DOCK1: variants seen among roughly 807,000 people sequenced by gnomAD.
DOCK1 encodes dedicator of cytokinesis 1, also known as dedicator of cytokinesis protein 1.
A neutral mutation model predicts 262.7 loss-of-function variants in DOCK1; 138 were observed. The observed-to-expected ratio is 0.53, with a 90% CI of 0.46 to 0.61. The LOEUF is 0.61. Ranked by LOEUF, DOCK1 falls within the 20% of genes least tolerant of loss-of-function variation. The pLI, the probability that DOCK1 is intolerant of heterozygous loss-of-function variation, is 0.00. For synonymous variants in DOCK1, 866 were observed against 867.4 expected (o/e 1.00, Z 0.03); for missense variants, 1,908 against 2,370.7 (o/e 0.80, Z 4.05).
chr10:127,412,661 G>A (rs552362766), intron 43 of DOCK1, among the ~76,000 whole-genome samples: 30 of 152,210 alleles, frequency 2.0e-4, no homozygotes, highest in Non-Finnish European at 4.3e-4. Flanking sequence ...CAGCAGGGTT[G>A]CCTCAAGTAA....
At chr10:127,288,773 T>TCACACA (rs3221847) in intron 29 of DOCK1, among the ~76,000 whole-genome samples, 2,064 of 143,474 alleles carry the variant, frequency 0.014, 27 homozygotes, top group African/African-American at 0.042. Flanking sequence ...TGTATATATT[T>TCACACA]CACACACACA....
chr10:127,415,242 A>T lies in DOCK1; in HGVS notation c.4515+4A>T. On this transcript the variant is annotated splice_donor_region_variant and intron_variant, in intron 44 of 51. Transcript: ENST00000623213. Reference sequence around the variant, plus strand: ...TGAGGTCAAGTCTGTTTTCATGGTAAGGATGGCCCCACCCCAGAAGGAATT... The same window carrying T: ...TGAGGTCAAGTCTGTTTTCATGGTATGGATGGCCCCACCCCAGAAGGAATT... The T allele has an allele frequency of 2.5e-6, 4 of 1,612,506 alleles. No homozygotes were observed. Among genetic ancestry groups the T allele is most frequent in the Non-Finnish European group, 3.4e-6 (4 of 1,179,164 alleles).
In DOCK1 at chr10:127,012,215, C is replaced by T. The variant is rs780918435; in HGVS notation, c.1059-17C>T. On this transcript the variant is annotated splice_polypyrimidine_tract_variant and intron_variant, in intron 11 of 51. Transcript: ENST00000623213. The surrounding 1 kb of genome is among the most constrained non-coding windows in gnomAD (Gnocchi z 4.0). ...CCCCTTTGTCTCCTGTGGTCTTGGTCGTCCCGTGCCCTCCAGGCTCGCGTT... is the reference window on the plus strand; with the variant it reads ...CCCCTTTGTCTCCTGTGGTCTTGGTTGTCCCGTGCCCTCCAGGCTCGCGTT... 6 of 1,415,698 alleles carry T rather than the reference C, an allele frequency of 4.2e-6. No homozygotes were observed. Among genetic ancestry groups the T allele is most frequent in the African/African-American group, 1.4e-5 (1 of 70,972 alleles). 87.7% of individuals were successfully genotyped at this position (1,415,698 alleles called of 1,614,324 possible).
At chr10:127,018,893 G>A in intron 13 of DOCK1, 58 bp downstream of exon 13, 5 of 1,601,784 alleles carry the variant, frequency 3.1e-6, no homozygotes, top group Non-Finnish European at 4.3e-6. Flanking sequence ...CGGCCACGGA[G>A]GATGACGTGT....
intron 32 of DOCK1, among the ~76,000 whole-genome samples, chr10:127,356,005 G>C (rs536822013): frequency 6.6e-6 from 1 of 152,330 alleles, no homozygotes; most frequent in Admixed American, 6.5e-5. Flanking sequence ...CCAGTACAAA[G>C]AGAACCTGCA....
intron 27 of DOCK1, among the ~76,000 whole-genome samples, chr10:127,139,876 A>T (rs971481393): frequency 3.9e-5 from 6 of 152,206 alleles, no homozygotes; most frequent in African/African-American, 1.4e-4. Context: ...TTATTGTACC[A>T]TTATTATCTA....
chr10:127,177,950 A>G (rs1459694711), intron 27 of DOCK1, among the ~76,000 whole-genome samples: 3 of 152,130 alleles, frequency 2.0e-5, no homozygotes, highest in Non-Finnish European at 4.4e-5. Context: ...CAGGAGCAGG[A>G]CCCTACTTTA....
At chr10:127,008,927 A>G in intron 11 of DOCK1, 123 bp downstream of exon 11, 2 of 1,005,452 alleles carry the variant, frequency 2.0e-6, no homozygotes, top group Non-Finnish European at 2.9e-6. Flanking sequence ...TAATTATGAA[A>G]AACCTCTTTA....
intron 25 of DOCK1, among the ~76,000 whole-genome samples, chr10:127,114,834 G>A (rs770453555): frequency 1.1e-4 from 17 of 148,224 alleles, no homozygotes; most frequent in Non-Finnish European, 1.6e-4. Context: ...TTGGCTCACT[G>A]CAACCTGTGC....
intron 27 of DOCK1, among the ~76,000 whole-genome samples, chr10:127,212,755 G>T (rs1411556804): frequency 8.4e-6 from 1 of 119,602 alleles, no homozygotes; most frequent in African/African-American, 3.3e-5. Context: ...AAAGTACCTT[G>T]TTAATTACTT....
At chr10:126,948,281 TGATGGTGGTG>T (rs2035754441) in intron 1 of DOCK1, among the ~76,000 whole-genome samples, 1 of 9,272 alleles carries the variant, frequency 1.1e-4, no homozygotes, top group African/African-American at 4.2e-4. Context: ...CTGTTGGTGG[TGATGGTGGTG>T]GTTGGTAGTA....
At chr10:127,388,335 A>G (rs1159295976) in intron 38 of DOCK1, among the ~76,000 whole-genome samples, 6 of 152,240 alleles carry the variant, frequency 3.9e-5, no homozygotes, top group African/African-American at 1.4e-4. Context: ...CTGAATATCC[A>G]TAATATTTCC....
intron 29 of DOCK1, among the ~76,000 whole-genome samples, chr10:127,298,105 TAAG>T (rs1220353231): frequency 1.3e-5 from 2 of 152,158 alleles, no homozygotes; most frequent in Non-Finnish European, 2.9e-5. Flanking sequence ...AAACTATTAT[TAAG>T]ATCAGATTGG....
chr10:127,123,748 G>GAACC (rs2049763744), intron 25 of DOCK1, among the ~76,000 whole-genome samples: 1 of 152,028 alleles, frequency 6.6e-6, no homozygotes, highest in African/African-American at 2.4e-5. Context: ...TAACACTAGG[G>GAACC]CAGTCTCCTA....
At chr10:127,426,075 G>C in intron 47 of DOCK1, 64 bp downstream of exon 47, 1 of 1,605,318 alleles carries the variant, frequency 6.2e-7, no homozygotes, top group Non-Finnish European at 8.5e-7. Context: ...CTGTTGAACA[G>C]GGACAAGCTT....
At chr10:127,088,845 T>C (rs2047348715) in intron 23 of DOCK1, among the ~76,000 whole-genome samples, 2 of 152,110 alleles carry the variant, frequency 1.3e-5, no homozygotes, top group African/African-American at 2.4e-5. Context: ...GAAAGCCCTG[T>C]ATTTGGAAGG....
chr10:126,985,840 G>C (rs1416208895), intron 4 of DOCK1, among the ~76,000 whole-genome samples: 1 of 152,006 alleles, frequency 6.6e-6, no homozygotes, highest in African/African-American at 2.4e-5. Context: ...CCATGAAAGG[G>C]TCATTTTGTT....
At chr10:127,244,546 C>T (rs2059369753) in intron 27 of DOCK1, among the ~76,000 whole-genome samples, 1 of 152,190 alleles carries the variant, frequency 6.6e-6, no homozygotes, top group Non-Finnish European at 1.5e-5. Context: ...CACCCTTGCT[C>T]ACATTATCAT....
chr10:127,300,802 T>G lies in DOCK1; in HGVS notation c.3045-38204T>G, dbSNP rs952388475. On this transcript the variant is annotated intron_variant, in intron 29 of 51. Coordinates refer to ENST00000623213, the MANE Select transcript of DOCK1 (RefSeq NM_001290223.2). Reference sequence around the variant, plus strand: ...TCCTCCCGAGAGCCCCACCTGACTTTCTTTGCTTTGCTTTGCCTCTGTGGC... The same window carrying G: ...TCCTCCCGAGAGCCCCACCTGACTTGCTTTGCTTTGCTTTGCCTCTGTGGC... 1.6e-4 allele frequency among the ~76,000 whole-genome samples: 25 copies of G among 152,270 alleles called. No individual in the cohort carries two copies. In the East Asian group the frequency reaches 4.8e-3, roughly 29 times the overall value.
Sources: allele counts gnomAD v4.1 joint callset (sites outside exome capture counted in the v4.1 genomes callset), GRCh38; gene constraint gnomAD v4.1.1; non-coding constraint Gnocchi (gnomAD v3.1); transcripts MANE v1.5; gene names NCBI Gene and HGNC (gene_info 2026-07-23, HGNC 2026-07-21).